ZNF670: variants seen among roughly 807,000 people sequenced by gnomAD.
The protein encoded by ZNF670 is zinc finger protein 670.
ZNF670 carries 7 observed loss-of-function variants against 10.9 expected under a neutral mutation model. That is an observed-to-expected ratio of 0.64 (90% CI 0.36 to 1.20). The LOEUF (loss-of-function observed/expected upper bound fraction) is 1.20, where lower values mean the gene tolerates loss of function less well. Among genes scored for constraint, ZNF670 ranks in the 50% most tolerant of loss-of-function variants. The pLI is 0.02. For synonymous variants in ZNF670, 136 were observed against 152.7 expected (o/e 0.89, Z 0.81); for missense variants, 446 against 458.6 (o/e 0.97, Z 0.25).
rs1169455272 is a variant in ZNF670, at chr1:247,035,549, A to C, written c.*1900T>G. 6.6e-6 allele frequency among the ~76,000 whole-genome samples: 1 copy of C among 152,224 alleles called. No homozygotes were observed. The highest frequency in any genetic ancestry group is 1.5e-5 in the Non-Finnish European group (1 of 68,044). On this transcript the variant is annotated 3_prime_UTR_variant, in exon 4 of 4. Transcript: ENST00000366503. The stretch of plus-strand genomic sequence containing the variant: ...TCAAAATAGTATGTTATAATGCCAT[A>C]ATCCTGTAATATACAATTTATTGTA...
chr1:247,061,866 G>A (rs957947478), intron 1 of ZNF670, among the ~76,000 whole-genome samples: 5 of 152,172 alleles, frequency 3.3e-5, no homozygotes, highest in Non-Finnish European at 7.4e-5. Context: ...ATATTAGGAG[G>A]TGGCATTTCT....
intron 1 of ZNF670, among the ~76,000 whole-genome samples, 186 bp downstream of exon 1, chr1:247,078,408 G>A (rs1671305463): frequency 6.6e-6 from 1 of 152,324 alleles, no homozygotes; most frequent in Admixed American, 6.5e-5. Context: ...GGCCGAAGCG[G>A]CGGGGCAGGG....
At chr1:247,076,478 G>A (rs916347583) in intron 1 of ZNF670, among the ~76,000 whole-genome samples, 27 of 151,820 alleles carry the variant, frequency 1.8e-4, no homozygotes, top group Admixed American at 1.6e-3. Flanking sequence ...GGATGATCTC[G>A]ATCTCCTGAC....
chr1:247,039,359 C>A (rs1453753364), intron 2 of ZNF670, 52 bp downstream of exon 2: 3 of 1,582,984 alleles, frequency 1.9e-6, no homozygotes, highest in Non-Finnish European at 2.6e-6. Flanking sequence ...CCACGCCCAG[C>A]CAAAACACTT....
chr1:247,078,464 C>G, intron 1 of ZNF670, 130 bp downstream of exon 1: 1 of 1,194,194 alleles, frequency 8.4e-7, no homozygotes, highest in Non-Finnish European at 1.2e-6. Context: ...AGCCCCGCAT[C>G]CTGTGCCACT....
chr1:247,048,762 T>C (rs745484763), intron 1 of ZNF670, among the ~76,000 whole-genome samples: 14 of 152,026 alleles, frequency 9.2e-5, no homozygotes, highest in Non-Finnish European at 1.9e-4. Context: ...CTTCACATGG[T>C]GGTAGGAAGA....
At chr1:247,057,331 C>G (rs796825849) in intron 1 of ZNF670, among the ~76,000 whole-genome samples, 1 of 151,954 alleles carries the variant, frequency 6.6e-6, no homozygotes, top group African/African-American at 2.4e-5. Flanking sequence ...TGGCTTTTAC[C>G]AGGCAACAAT....
intron 1 of ZNF670, among the ~76,000 whole-genome samples, chr1:247,060,301 C>T (rs1384418524): frequency 2.1e-4 from 32 of 151,890 alleles, no homozygotes; most frequent in Admixed American, 2.1e-3. Context: ...GGCAGAAAAC[C>T]CAGAAATAAA....
chr1:247,066,483 G>A (rs1326494468), intron 1 of ZNF670, among the ~76,000 whole-genome samples: 1 of 152,158 alleles, frequency 6.6e-6, no homozygotes, highest in Non-Finnish European at 1.5e-5. Context: ...TGCAGTATTG[G>A]CTGCAGTGGA....
intron 1 of ZNF670, chr1:247,043,254 C>A: frequency 1.5e-6 from 1 of 671,830 alleles, no homozygotes. Flanking sequence ...TAAGCATTGT[C>A]TCTGGGTATA....
At chr1:247,070,839 C>T (rs1671097305) in intron 1 of ZNF670, among the ~76,000 whole-genome samples, 1 of 152,196 alleles carries the variant, frequency 6.6e-6, no homozygotes, top group Admixed American at 6.5e-5. Context: ...TGAACAGACA[C>T]TTCTCCAAAG....
intron 1 of ZNF670, among the ~76,000 whole-genome samples, chr1:247,067,344 G>A (rs1032482816): frequency 2.0e-5 from 3 of 149,718 alleles, no homozygotes; most frequent in Non-Finnish European, 4.4e-5. Context: ...GCTGACACAG[G>A]AGAATCGCTT....
intron 1 of ZNF670, 27 bp downstream of exon 1, chr1:247,078,567 C>A: frequency 6.2e-7 from 1 of 1,613,838 alleles, no homozygotes; most frequent in Non-Finnish European, 8.5e-7. Flanking sequence ...TTTTCCCCTT[C>A]CCGAGACACC....
At chr1:247,061,774 G>C (rs117490888) in intron 1 of ZNF670, among the ~76,000 whole-genome samples, 4 of 152,272 alleles carry the variant, frequency 2.6e-5, no homozygotes, top group Non-Finnish European at 4.4e-5. Flanking sequence ...AGATATTGTA[G>C]AGAACACTGT....
chr1:247,052,550 C>G (rs533563711), intron 1 of ZNF670, among the ~76,000 whole-genome samples: 1 of 151,090 alleles, frequency 6.6e-6, no homozygotes, highest in Non-Finnish European at 1.5e-5. Flanking sequence ...GTTTTTTTTT[C>G]GGTGCATTGT....
In ZNF670 at chr1:247,038,162, G is replaced by C; in HGVS notation, c.457C>G (p.Leu153Val). Residue 153 changes from leucine (L) to valine (V), a missense_variant, in exon 4 of 4, where the codon CTC (leucine) becomes GTC (valine). Coordinates refer to ENST00000366503, the MANE Select transcript of ZNF670 (RefSeq NM_033213.5). Reference sequence around the variant, plus strand: ...ACCATGTGTCTGTCAACACTGGTGAGAGAGATAAAGGCTTTCCCACATTGT... The same window carrying C: ...ACCATGTGTCTGTCAACACTGGTGACAGAGATAAAGGCTTTCCCACATTGT... ...CKQCGKAFIS[L>V]TSVDRHMVTH... The C allele has an allele frequency of 6.2e-7, 1 of 1,614,174 alleles. No individual in the cohort carries two copies. Among genetic ancestry groups the C allele is most frequent in the Admixed American group, 1.7e-5 (1 of 60,032 alleles).
At chr1:247,065,338 G>A (rs1670956580) in intron 1 of ZNF670, among the ~76,000 whole-genome samples, 2 of 152,206 alleles carry the variant, frequency 1.3e-5, no homozygotes, top group African/African-American at 4.8e-5. Context: ...GCCAGACTCT[G>A]CTGAAATGCA....
At chr1:247,065,436 G>C (rs545635675) in intron 1 of ZNF670, among the ~76,000 whole-genome samples, 2 of 150,380 alleles carry the variant, frequency 1.3e-5, no homozygotes, top group South Asian at 4.2e-4. Flanking sequence ...TGTCTTCCAA[G>C]TTTTCTTATG....
intron 1 of ZNF670, among the ~76,000 whole-genome samples, chr1:247,068,319 C>CACAAAAAAAA (rs1671038130): frequency 1.8e-5 from 1 of 55,278 alleles, no homozygotes; most frequent in Non-Finnish European, 3.1e-5. Flanking sequence ...ATTCTGTCTC[C>CACAAAAAAAA]AAAAAAAAAA....
Sources: allele counts gnomAD v4.1 joint callset (sites outside exome capture counted in the v4.1 genomes callset), GRCh38; gene constraint gnomAD v4.1.1; transcripts MANE v1.5; gene names NCBI Gene and HGNC (gene_info 2026-07-23, HGNC 2026-07-21).